FAM83B: variants seen among roughly 807,000 people sequenced by gnomAD.
The protein encoded by FAM83B is protein FAM83B.
In FAM83B, 26 loss-of-function variants were observed where a neutral mutation model predicts 38.8. The ratio of observed to expected loss-of-function variants is 0.67; its 90% CI spans 0.49 to 0.93. The LOEUF (loss-of-function observed/expected upper bound fraction) is 0.93. Among genes scored for constraint, FAM83B ranks in the 40% least tolerant of loss-of-function variants. The pLI is 0.00. For synonymous variants in FAM83B, 419 were observed against 423.1 expected (o/e 0.99, Z 0.12); for missense variants, 1,237 against 1,197.3 (o/e 1.03, Z -0.49).
rs149435201 is a variant in FAM83B at position 54,941,496 on chromosome 6, T to G, written c.2525T>G (p.Ile842Ser). 3.1e-6 allele frequency: 5 copies of G among 1,613,848 alleles called. No individual in the cohort carries two copies. The African/African-American group carries it at 6.7e-5, about 22-fold the overall frequency. The change falls in exon 5 of 5, where the codon ATC becomes AGC. Residue 842 changes from isoleucine to serine, a missense_variant. Coordinates refer to ENST00000306858, the MANE Select transcript of FAM83B (RefSeq NM_001010872.3). The part of the protein sequence containing the change: ...HSSSSNSQGS[I>S]HKSKEDVTVS... Reference sequence around the variant, plus strand: ...TCCTCATCGAATTCTCAAGGCAGCATCCACAAGAGTAAGGAAGATGTAACA... The same window carrying G: ...TCCTCATCGAATTCTCAAGGCAGCAGCCACAAGAGTAAGGAAGATGTAACA...
intron 1 of FAM83B, among the ~76,000 whole-genome samples, chr6:54,859,156 G>A (rs1327992658): frequency 6.6e-6 from 1 of 151,946 alleles, no homozygotes; most frequent in Non-Finnish European, 1.5e-5. Flanking sequence ...CGCCTCCCGG[G>A]TTCAAGCGAT....
chr6:54,870,186 G>T lies in FAM83B; in HGVS notation c.-60-1G>T. 1 of 1,275,694 alleles carries T rather than the reference G, an allele frequency of 7.8e-7. No individual in the cohort carries two copies. Among genetic ancestry groups the T allele is most frequent in the Non-Finnish European group, 1.1e-6 (1 of 903,254 alleles). The allele number at this position is 1,275,694 out of a possible 1,614,324, so 79.0% of individuals were successfully genotyped here. ...TTGATTTTCTTCTTTTCAAATACCA[G>T]ATACTTCTCACCACTGCATGAATGG... is the stretch of plus-strand genomic sequence containing the variant. On this transcript the variant is annotated splice_acceptor_variant, in intron 1 of 4. Transcript: ENST00000306858. LOFTEE classifies it low-confidence loss of function (5UTR_SPLICE).
At chr6:54,913,371 C>G (rs1228068632) in intron 2 of FAM83B, among the ~76,000 whole-genome samples, 1 of 152,054 alleles carries the variant, frequency 6.6e-6, no homozygotes, top group Non-Finnish European at 1.5e-5. Flanking sequence ...TGCTACTGCT[C>G]TAACAACTTG....
At chr6:54,849,942 A>G (rs913356665) in intron 1 of FAM83B, among the ~76,000 whole-genome samples, 1 of 152,090 alleles carries the variant, frequency 6.6e-6, no homozygotes, top group Non-Finnish European at 1.5e-5. Flanking sequence ...TTATGCAGTG[A>G]TGATGATTAT....
At chr6:54,916,176 A>G (rs1773032820) in intron 2 of FAM83B, among the ~76,000 whole-genome samples, 1 of 152,108 alleles carries the variant, frequency 6.6e-6, no homozygotes, top group African/African-American at 2.4e-5. Context: ...CTATTCATGC[A>G]CTATTTTACA....
At chr6:54,848,241 AG>A (rs1466235679) in intron 1 of FAM83B, among the ~76,000 whole-genome samples, 1 of 152,186 alleles carries the variant, frequency 6.6e-6, no homozygotes, top group Non-Finnish European at 1.5e-5. Context: ...CCAGAAAAGT[AG>A]AAGTCCCCAC....
In FAM83B at chr6:54,941,200, A is replaced by C. The variant is rs1773679317; in HGVS notation, c.2229A>C (p.Leu743Phe). 2 of 1,614,106 alleles carry C rather than the reference A, an allele frequency of 1.2e-6. No homozygotes were observed. Among genetic ancestry groups the C allele is most frequent in the East Asian group, 2.2e-5 (1 of 44,864 alleles). Residue 743 changes from leucine to phenylalanine, a missense_variant, in exon 5 of 5, where the codon TTA becomes TTC. By Grantham distance (22) the Leu-to-Phe change is conservative (BLOSUM62 0). Transcript: ENST00000306858. ...CCAAATCAGTTTCCATTGCTGCTTTACTTGATGTGAATAAAGAGGAATCTA... is the reference window on the plus strand; with the variant it reads ...CCAAATCAGTTTCCATTGCTGCTTTCCTTGATGTGAATAAAGAGGAATCTA... ...TTTKSVSIAALLDVNKEESNK... is the reference protein window; with the variant it reads ...TTTKSVSIAAFLDVNKEESNK...
chr6:54,846,489 G>C (rs2127569709), upstream of FAM83B, among the ~76,000 whole-genome samples: 1 of 152,330 alleles, frequency 6.6e-6, no homozygotes, highest in Middle Eastern at 3.4e-3. Flanking sequence ...GTAGCCCCGA[G>C]GGCGGGCAGG....
intron 2 of FAM83B, among the ~76,000 whole-genome samples, chr6:54,924,571 T>G (rs1397900486): frequency 2.1e-4 from 32 of 151,850 alleles, no homozygotes; most frequent in Non-Finnish European, 1.5e-5. Context: ...AAATGCACTG[T>G]CTTTATTGGT....
At chr6:54,899,078 T>C (rs543138084) in intron 2 of FAM83B, among the ~76,000 whole-genome samples, 8 of 152,284 alleles carry the variant, frequency 5.3e-5, no homozygotes, top group African/African-American at 1.9e-4. Flanking sequence ...ATAGGAACCG[T>C]ACTTTCCCCA....
intron 2 of FAM83B, among the ~76,000 whole-genome samples, chr6:54,878,701 A>T (rs1048012676): frequency 2.0e-5 from 3 of 152,182 alleles, no homozygotes; most frequent in African/African-American, 7.2e-5. Context: ...TGGCCATTTT[A>T]AGGAACTTGG....
intron 1 of FAM83B, among the ~76,000 whole-genome samples, chr6:54,860,438 G>A (rs1168623545): frequency 6.6e-6 from 1 of 152,064 alleles, no homozygotes; most frequent in Non-Finnish European, 1.5e-5. Context: ...TAAAAAAATT[G>A]ACAAGCTGTT....
chr6:54,931,566 G>C (rs538588871), intron 4 of FAM83B, among the ~76,000 whole-genome samples: 2 of 151,784 alleles, frequency 1.3e-5, no homozygotes, highest in Non-Finnish European at 2.9e-5. Context: ...TCTCTTATAA[G>C]TTTTTTATTT....
chr6:54,898,367 G>A (rs1772584934), intron 2 of FAM83B, among the ~76,000 whole-genome samples: 1 of 152,174 alleles, frequency 6.6e-6, no homozygotes, highest in African/African-American at 2.4e-5. Flanking sequence ...GTGTGAAGCA[G>A]GGTTGGGTCG....
At chr6:54,865,450 G>T (rs1561906732) in intron 1 of FAM83B, among the ~76,000 whole-genome samples, 1 of 152,108 alleles carries the variant, frequency 6.6e-6, no homozygotes, top group Non-Finnish European at 1.5e-5. Flanking sequence ...CATCTGCAAA[G>T]ACCCTATTTC....
At chr6:54,879,586 G>T (rs1295299645) in intron 2 of FAM83B, among the ~76,000 whole-genome samples, 2 of 152,092 alleles carry the variant, frequency 1.3e-5, no homozygotes, top group African/African-American at 2.4e-5. Flanking sequence ...GGCATTTTCA[G>T]ACAGCGGGGG....
At position 54,864,942 on chromosome 6, in the gene FAM83B, A is replaced by T. The variant is rs556705096; in HGVS notation, c.-60-5245A>T. On this transcript the variant is annotated intron_variant, in intron 1 of 4. Transcript: ENST00000306858. ...AGAGTTTGCAAAGTATTTCTTAATA[A>T]AATTGCTTAACATTGAAGTTATATC... 3.9e-5 allele frequency among the ~76,000 whole-genome samples: 6 copies of T among 152,370 alleles called. No individual in the cohort carries two copies. The South Asian group carries it at 1.2e-3, about 32-fold the overall frequency.
At chr6:54,847,203 A>G (rs904445100) in intron 1 of FAM83B, among the ~76,000 whole-genome samples, 32 of 150,230 alleles carry the variant, frequency 2.1e-4, no homozygotes, top group Admixed American at 1.9e-3. Flanking sequence ...CCGGGAGGGG[A>G]AGCGGGAGGA....
chr6:54,901,111 A>G (rs933521333), intron 2 of FAM83B, among the ~76,000 whole-genome samples: 3 of 152,192 alleles, frequency 2.0e-5, no homozygotes, highest in Non-Finnish European at 4.4e-5. Flanking sequence ...CCAAGCCAGG[A>G]TTCTTGAACA....
Sources: gnomAD v4.1 joint callset for allele counts (sites outside exome capture counted in the v4.1 genomes callset) on GRCh38, gnomAD v4.1.1 for gene constraint, MANE v1.5 for transcripts, NCBI Gene and HGNC (gene_info 2026-07-23, HGNC 2026-07-21) for gene names.